Variants in RSRC1 observed in about 807,000 individuals in gnomAD.
The protein encoded by RSRC1 is serine/Arginine-related protein 53.
RSRC1 carries 39 observed loss-of-function variants against 49.1 expected under a neutral mutation model. The ratio of observed to expected loss-of-function variants is 0.79; its 90% CI spans 0.61 to 1.04. RSRC1 has a LOEUF of 1.04. RSRC1 is among the 50% of genes least tolerant of loss of function. RSRC1 has a pLI of 0.00. For synonymous variants in RSRC1, 143 were observed against 130.8 expected (o/e 1.09, Z -0.63); for missense variants, 388 against 402.4 (o/e 0.96, Z 0.31).
intron 6 of RSRC1, among the ~76,000 whole-genome samples, chr3:158,414,419 A>G (rs1734631882): frequency 6.6e-6 from 1 of 151,936 alleles, no homozygotes. Flanking sequence ...GAGAAGGAGA[A>G]CATCAAGATA....
At chr3:158,517,800 A>T (rs1740658230) in intron 7 of RSRC1, among the ~76,000 whole-genome samples, 1 of 99,652 alleles carries the variant, frequency 1.0e-5, no homozygotes, top group South Asian at 3.2e-4. Context: ...TTTTGTTGAG[A>T]CAGGGTCTGA....
At chr3:158,181,843 ATTTG>A (rs1381816192) in intron 3 of RSRC1, among the ~76,000 whole-genome samples, 8 of 152,282 alleles carry the variant, frequency 5.3e-5, no homozygotes, top group African/African-American at 1.7e-4. Flanking sequence ...TAGTACATGA[ATTTG>A]TTTGTTTATT....
chr3:158,468,220 A>G (rs1737976434), intron 7 of RSRC1, among the ~76,000 whole-genome samples: 2 of 152,216 alleles, frequency 1.3e-5, no homozygotes, highest in South Asian at 2.1e-4. Flanking sequence ...GGCGTGAGCC[A>G]CCGCGCCCGG....
intron 7 of RSRC1, among the ~76,000 whole-genome samples, chr3:158,536,651 A>C (rs1286393333): frequency 6.6e-6 from 1 of 151,452 alleles, no homozygotes; most frequent in Non-Finnish European, 1.5e-5. Flanking sequence ...AAATGGTGTG[A>C]TGCCTGGGAT....
chr3:158,216,412 A>AT (rs551662921), intron 4 of RSRC1, among the ~76,000 whole-genome samples: 167 of 151,228 alleles, frequency 1.1e-3, no homozygotes, highest in Non-Finnish European at 1.9e-3. Context: ...TGAAGTTCTA[A>AT]TTTTTTGTAT....
intron 4 of RSRC1, among the ~76,000 whole-genome samples, chr3:158,241,188 C>T (rs963542545): frequency 1.1e-4 from 16 of 152,082 alleles, no homozygotes; most frequent in African/African-American, 2.4e-4. Flanking sequence ...TGGCTCACGC[C>T]GGTAATCCCA....
At chr3:158,401,554 A>G (rs1733894951) in intron 6 of RSRC1, among the ~76,000 whole-genome samples, 1 of 152,002 alleles carries the variant, frequency 6.6e-6, no homozygotes, top group Non-Finnish European at 1.5e-5. Context: ...CTTAAGTGGC[A>G]GTAATTTATA....
chr3:158,388,752 G>A (rs1733104258), intron 6 of RSRC1, among the ~76,000 whole-genome samples: 2 of 151,968 alleles, frequency 1.3e-5, no homozygotes, highest in South Asian at 4.1e-4. Flanking sequence ...TTGCACTACA[G>A]GCACACGCCA....
intron 4 of RSRC1, among the ~76,000 whole-genome samples, chr3:158,211,387 G>A (rs1297381066): frequency 6.6e-6 from 1 of 151,898 alleles, no homozygotes; most frequent in African/African-American, 2.4e-5. Flanking sequence ...AAATAAGTGA[G>A]ACGTTACAAG....
chr3:158,129,417 G>C (rs749589383), intron 3 of RSRC1, among the ~76,000 whole-genome samples: 4 of 150,824 alleles, frequency 2.7e-5, no homozygotes, highest in Non-Finnish European at 4.4e-5. Flanking sequence ...CAGCCTCCCG[G>C]GTAGCTGGGA....
intron 7 of RSRC1, among the ~76,000 whole-genome samples, chr3:158,495,269 G>A (rs1739271196): frequency 6.6e-6 from 1 of 151,828 alleles, no homozygotes; most frequent in Non-Finnish European, 1.5e-5. Flanking sequence ...TTTTGTTTTT[G>A]TTTTTTGGGT....
intron 4 of RSRC1, among the ~76,000 whole-genome samples, chr3:158,229,401 T>TAC (rs1216539740): frequency 1.4e-5 from 2 of 146,512 alleles, no homozygotes; most frequent in African/African-American, 2.5e-5. Context: ...TATATACACA[T>TAC]ACACACGTAT....
At chr3:158,418,966 T>A (rs898095896) in intron 6 of RSRC1, among the ~76,000 whole-genome samples, 1 of 151,990 alleles carries the variant, frequency 6.6e-6, no homozygotes, top group African/African-American at 2.4e-5. Context: ...CACTTTTAAG[T>A]TCTGATCTCA....
intron 7 of RSRC1, among the ~76,000 whole-genome samples, chr3:158,506,851 A>G (rs1739883886): frequency 6.7e-6 from 1 of 148,788 alleles, no homozygotes; most frequent in Non-Finnish European, 1.5e-5. Flanking sequence ...ATATGTATAT[A>G]TTTATATATA....
intron 4 of RSRC1, among the ~76,000 whole-genome samples, chr3:158,231,825 A>G (rs1252389565): frequency 6.6e-6 from 1 of 152,122 alleles, no homozygotes; most frequent in Non-Finnish European, 1.5e-5. Flanking sequence ...TCACTTTGTT[A>G]TTTCCCAAAT....
At chr3:158,197,009 G>A (rs996257086) in intron 3 of RSRC1, among the ~76,000 whole-genome samples, 18 of 152,182 alleles carry the variant, frequency 1.2e-4, no homozygotes, top group African/African-American at 3.1e-4. Flanking sequence ...AATGATGCCG[G>A]CCTCATAAAA....
chr3:158,419,680 G>A (rs1734932580), intron 6 of RSRC1, among the ~76,000 whole-genome samples: 1 of 151,870 alleles, frequency 6.6e-6, no homozygotes, highest in Non-Finnish European at 1.5e-5. Context: ...AGGTAATTAT[G>A]TGCCCTACTT....
intron 6 of RSRC1, among the ~76,000 whole-genome samples, chr3:158,387,595 G>T (rs994513067): frequency 6.6e-6 from 1 of 152,074 alleles, no homozygotes; most frequent in African/African-American, 2.4e-5. Context: ...TGGACTCAGT[G>T]CCTTAATATC....
intron 3 of RSRC1, among the ~76,000 whole-genome samples, chr3:158,170,404 A>C (rs1392983463): frequency 6.6e-6 from 1 of 151,964 alleles, no homozygotes; most frequent in Non-Finnish European, 1.5e-5. Context: ...TGAGGGTTTA[A>C]ACAAGAAAGC....
Sources: gnomAD v4.1 joint callset for allele counts (sites outside exome capture counted in the v4.1 genomes callset) on GRCh38, gnomAD v4.1.1 for gene constraint, MANE v1.5 for transcripts, NCBI Gene and HGNC (gene_info 2026-07-23, HGNC 2026-07-21) for gene names.